IL1RAPL2: variants seen among roughly 807,000 people sequenced by gnomAD.
IL1RAPL2 encodes the protein interleukin 1 receptor accessory protein like 2.
A neutral mutation model predicts 44.1 loss-of-function variants in IL1RAPL2; 3 were observed. The ratio of observed to expected loss-of-function variants is 0.07; its 90% confidence interval spans 0.03 to 0.18. The LOEUF (loss-of-function observed/expected upper bound fraction) is 0.18. Among genes scored for constraint, IL1RAPL2 ranks in the 10% least tolerant of loss-of-function variants. The probability of loss-of-function intolerance (pLI) is 1.00; values close to 1 mark genes in which losing one functional copy is unlikely to be tolerated. For missense variants in IL1RAPL2, 391 were observed against 496.4 expected, an observed-to-expected ratio of 0.79 and a Z score of 2.02; for synonymous variants, 181 against 178.8, an observed-to-expected ratio of 1.01 and a Z score of -0.10.
At chrX:104,850,303 T>A (rs1922192751) in intron 2 of IL1RAPL2, among the ~76,000 whole-genome samples, 1 of 111,807 alleles carries the variant, frequency 8.9e-6, no homozygotes, top group Non-Finnish European at 1.9e-5. Context: ...CTGAATTGTA[T>A]AAGGAAAACA....
chrX:105,367,761 A>G (rs190789311), intron 5 of IL1RAPL2, among the ~76,000 whole-genome samples: 1 of 111,833 alleles, frequency 8.9e-6, no homozygotes, highest in East Asian at 2.8e-4. Flanking sequence ...CATAGTAGAT[A>G]TAATTGATTT....
chrX:104,758,823 A>G (rs962297594), intron 2 of IL1RAPL2, among the ~76,000 whole-genome samples: 1 of 111,775 alleles, frequency 8.9e-6, no homozygotes, highest in Non-Finnish European at 1.9e-5. Flanking sequence ...TTTTCTTCCT[A>G]AGAATGCCGT....
At chrX:105,319,099 C>T (rs891508138) in intron 5 of IL1RAPL2, among the ~76,000 whole-genome samples, 3 of 112,155 alleles carry the variant, frequency 2.7e-5, no homozygotes, top group African/African-American at 6.5e-5. Context: ...AGATATTGTG[C>T]GGCTGCACTA....
chrX:105,691,403 A>G (rs372351917), intron 6 of IL1RAPL2, among the ~76,000 whole-genome samples: 7 of 111,584 alleles, frequency 6.3e-5, no homozygotes, highest in South Asian at 7.5e-4. Context: ...CGGATTTTCT[A>G]TTGTCCCTCA....
intron 5 of IL1RAPL2, among the ~76,000 whole-genome samples, chrX:105,401,729 C>T (rs1829951734): frequency 9.1e-6 from 1 of 109,670 alleles, no homozygotes; most frequent in Non-Finnish European, 1.9e-5. Flanking sequence ...AAGACTTTGG[C>T]CAAGTATATG....
chrX:105,139,879 CATGATGCATAT>C (rs747169909), intron 2 of IL1RAPL2, among the ~76,000 whole-genome samples: 1 of 112,231 alleles, frequency 8.9e-6, no homozygotes, highest in South Asian at 3.7e-4. Context: ...GCTTTTTAAA[CATGATGCATAT>C]TGCTTGTTCT....
At chrX:104,762,377 G>T (rs1932476582) in intron 2 of IL1RAPL2, among the ~76,000 whole-genome samples, 1 of 111,970 alleles carries the variant, frequency 8.9e-6, no homozygotes, top group Non-Finnish European at 1.9e-5. Flanking sequence ...GATGCAAGAG[G>T]TGGGCTCCCA....
chrX:104,879,806 A>G (rs1039127040), intron 2 of IL1RAPL2, among the ~76,000 whole-genome samples: 1 of 111,630 alleles, frequency 9.0e-6, no homozygotes, highest in Non-Finnish European at 1.9e-5. Context: ...TCTGGTTCAC[A>G]GTCATATGAT....
intron 6 of IL1RAPL2, among the ~76,000 whole-genome samples, chrX:105,618,599 G>T (rs370250143): frequency 1.7e-4 from 19 of 111,282 alleles, no homozygotes; most frequent in African/African-American, 4.9e-4. Context: ...GTTACTATAT[G>T]TGTGACCTTG....
chrX:105,078,655 C>G (rs945913023), intron 2 of IL1RAPL2, among the ~76,000 whole-genome samples: 1 of 112,678 alleles, frequency 8.9e-6, no homozygotes, highest in Non-Finnish European at 1.9e-5. Context: ...GGCAGGCAGG[C>G]CTCCTTGAGC....
intron 2 of IL1RAPL2, among the ~76,000 whole-genome samples, chrX:105,006,081 A>G (rs2030936924): frequency 9.0e-6 from 1 of 110,961 alleles, no homozygotes; most frequent in Non-Finnish European, 1.9e-5. Flanking sequence ...TTTTCTCTGT[A>G]AAAGCCATGG....
At chrX:105,694,062 A>G (rs1359342584) in intron 6 of IL1RAPL2, among the ~76,000 whole-genome samples, 1 of 111,911 alleles carries the variant, frequency 8.9e-6, no homozygotes, top group Non-Finnish European at 1.9e-5. Flanking sequence ...GGAAACTAAT[A>G]CACATGGCAT....
At chrX:104,751,204 A>G (rs1348293277) in intron 2 of IL1RAPL2, among the ~76,000 whole-genome samples, 2 of 111,719 alleles carry the variant, frequency 1.8e-5, no homozygotes, top group Admixed American at 1.9e-4. Flanking sequence ...ATTTGCATGT[A>G]TATCATAACT....
intron 2 of IL1RAPL2, among the ~76,000 whole-genome samples, chrX:105,148,490 T>C (rs1311996697): frequency 8.9e-6 from 1 of 112,124 alleles, no homozygotes; most frequent in Non-Finnish European, 1.9e-5. Context: ...CAGCATTTTA[T>C]TGATATTTAG....
chrX:105,078,696 T>C (rs1361714228), intron 2 of IL1RAPL2, among the ~76,000 whole-genome samples: 1 of 103,325 alleles, frequency 9.7e-6, no homozygotes, highest in Non-Finnish European at 2.0e-5. Flanking sequence ...TCGAGCTTCC[T>C]GGCCGCTTTG....
At chrX:104,991,399 G>T (rs2030660383) in intron 2 of IL1RAPL2, among the ~76,000 whole-genome samples, 1 of 110,998 alleles carries the variant, frequency 9.0e-6, no homozygotes, top group African/African-American at 3.3e-5. Context: ...TTAGAATCAG[G>T]CCCCAACAGA....
Position 104,711,062 on chromosome X carries a change from C to T in IL1RAPL2, c.82+52067C>T, listed in dbSNP as rs184211405. Among the ~76,000 whole-genome samples the T allele has an allele frequency of 1.8e-3, 204 of 111,403 alleles. 1 individual carries two copies. The highest frequency in any genetic ancestry group is 6.3e-3 in the African/African-American group (194 of 30,846). ...TATCATAGGAGACAACAGCTCTCTG[C>T]GTGTTATTGTCCACTGTACCTTTCC... On this transcript the variant is annotated intron_variant, in intron 2 of 10. Transcript: ENST00000372582.
At chrX:104,910,225 G>A (rs888040339) in intron 2 of IL1RAPL2, among the ~76,000 whole-genome samples, 33 of 111,710 alleles carry the variant, frequency 3.0e-4, no homozygotes, top group African/African-American at 8.5e-4. Context: ...CTCACGGTGC[G>A]CGCACCCACT....
chrX:105,682,775 C>T (rs2037936109), intron 6 of IL1RAPL2, among the ~76,000 whole-genome samples: 1 of 112,178 alleles, frequency 8.9e-6, no homozygotes, highest in Non-Finnish European at 1.9e-5. Context: ...TCTCATTTTA[C>T]TAGATGAAGG....
Sources: gnomAD v4.1 joint callset for allele counts (sites outside exome capture counted in the v4.1 genomes callset) on GRCh38, gnomAD v4.1.1 for gene constraint, MANE v1.5 for transcripts, NCBI Gene and HGNC (gene_info 2026-07-23, HGNC 2026-07-21) for gene names.